Variants in STK32A observed in about 807,000 individuals in gnomAD.
STK32A encodes the protein serine/threonine kinase 32A.
In STK32A, 41 loss-of-function variants were observed where a neutral mutation model predicts 53.2. The ratio of observed to expected loss-of-function variants is 0.77; its 90% CI spans 0.60 to 1.00. The LOEUF (loss-of-function observed/expected upper bound fraction) is 1.00, where lower values mean the gene tolerates loss of function less well. Among genes scored for constraint, STK32A ranks in the 50% least tolerant of loss-of-function variants. STK32A has a pLI of 0.00. For missense variants in STK32A, 458 were observed against 485.8 expected (o/e 0.94, Z 0.54); for synonymous variants, 166 against 162.8 (o/e 1.02, Z -0.15).
At chr5:147,330,211 T>C (rs1754799071) in intron 5 of STK32A, among the ~76,000 whole-genome samples, 1 of 152,158 alleles carries the variant, frequency 6.6e-6, no homozygotes, top group Admixed American at 6.5e-5. Flanking sequence ...TGGGCAAGAA[T>C]CCACTTCCAA....
intron 4 of STK32A, among the ~76,000 whole-genome samples, chr5:147,302,589 A>G (rs754843740): frequency 6.6e-6 from 1 of 152,196 alleles, no homozygotes; most frequent in Admixed American, 6.5e-5. Context: ...GGGCACCATC[A>G]TGTCTGAGTT....
downstream of STK32A, chr5:147,392,163 A>G (rs1757828543): frequency 6.6e-6 from 1 of 151,924 alleles, no homozygotes; most frequent in Non-Finnish European, 1.5e-5. Flanking sequence ...TCTCTGAAAG[A>G]CCCCCACATC....
chr5:147,288,984 T>C (rs911797010), intron 4 of STK32A, among the ~76,000 whole-genome samples: 33 of 152,200 alleles, frequency 2.2e-4, no homozygotes, highest in African/African-American at 8.0e-4. Context: ...CGTTCTTTCC[T>C]TCCTTACTTC....
At chr5:147,313,989 G>T (rs1561712892) in intron 4 of STK32A, among the ~76,000 whole-genome samples, 1 of 151,958 alleles carries the variant, frequency 6.6e-6, no homozygotes, top group Non-Finnish European at 1.5e-5. Context: ...TACAGAAGTA[G>T]ATGATCAAGA....
intron 5 of STK32A, among the ~76,000 whole-genome samples, chr5:147,328,320 T>C (rs536246683): frequency 6.6e-6 from 1 of 152,340 alleles, no homozygotes; most frequent in African/African-American, 2.4e-5. Flanking sequence ...CCATAAGATC[T>C]GTTTCCGCCA....
chr5:147,291,172 G>C (rs1752582261), intron 4 of STK32A, among the ~76,000 whole-genome samples: 2 of 151,990 alleles, frequency 1.3e-5, no homozygotes, highest in African/African-American at 2.4e-5. Context: ...AGCTATTTTT[G>C]TTTTCTCATT....
At chr5:147,264,694 A>G (rs1341560850) in intron 2 of STK32A, among the ~76,000 whole-genome samples, 3 of 152,202 alleles carry the variant, frequency 2.0e-5, no homozygotes, top group Admixed American at 6.5e-5. Context: ...CTAAATCCCC[A>G]TCTACCACCT....
downstream of STK32A, among the ~76,000 whole-genome samples, chr5:147,390,478 C>CAA (rs151186049): frequency 0.085 from 9,450 of 110,716 alleles, 1,036 homozygotes; most frequent in African/African-American, 0.25. Flanking sequence ...GGGGAAAGAC[C>CAA]AAAAAAAAAA....
At chr5:147,340,591 C>T (rs1051031091) in intron 5 of STK32A, among the ~76,000 whole-genome samples, 1 of 152,150 alleles carries the variant, frequency 6.6e-6, no homozygotes, top group Non-Finnish European at 1.5e-5. Flanking sequence ...ACCTTCCATA[C>T]TGCAATTTAC....
intron 2 of STK32A, among the ~76,000 whole-genome samples, chr5:147,247,083 T>A (rs1437065168): frequency 6.6e-6 from 1 of 152,230 alleles, no homozygotes; most frequent in African/African-American, 2.4e-5. Context: ...ACTACCTAGG[T>A]TGAAAAATTA....
chr5:147,312,356 G>T (rs1008183438), intron 4 of STK32A, among the ~76,000 whole-genome samples: 8 of 151,926 alleles, frequency 5.3e-5, no homozygotes, highest in Admixed American at 2.0e-4. Context: ...CACCCACCTC[G>T]GCCTTCCAAA....
In STK32A at chr5:147,383,866, C is replaced by CTTTT; in HGVS notation, c.1098-18_1098-15dup. The stretch of plus-strand genomic sequence containing the variant: ...TTTTATTTTTCAAAGAATAAAACAT[C>CTTTT]TTTTTTTTTCTTTTCTTTTTAAGAG... On this transcript the variant is annotated intron_variant, in intron 12 of 12. Coordinates refer to ENST00000397936, the MANE Select transcript of STK32A (RefSeq NM_001112724.2). 7.8e-6 allele frequency: 11 copies of CTTTT among 1,416,696 alleles called. No individual in the cohort carries two copies. In the Admixed American group the frequency reaches 1.3e-4, roughly 17 times the overall value. 87.8% of individuals were successfully genotyped at this position (1,416,696 alleles called of 1,614,324 possible). A position where few individuals can be genotyped will look rare whatever the true frequency, so the allele number is the denominator to read the frequency against.
chr5:147,337,064 C>A (rs965401791), intron 5 of STK32A, among the ~76,000 whole-genome samples: 15 of 152,176 alleles, frequency 9.9e-5, no homozygotes, highest in African/African-American at 3.6e-4. Flanking sequence ...TGTAATTAGC[C>A]TGTTAACCCT....
chr5:147,293,776 C>G (rs1752724273), intron 4 of STK32A, among the ~76,000 whole-genome samples: 1 of 151,656 alleles, frequency 6.6e-6, no homozygotes, highest in Non-Finnish European at 1.5e-5. Flanking sequence ...AAAAGCCTCT[C>G]AAGGCTAGGT....
At chr5:147,344,429 A>C (rs1322709853) in intron 6 of STK32A, among the ~76,000 whole-genome samples, 1 of 152,184 alleles carries the variant, frequency 6.6e-6, no homozygotes, top group African/African-American at 2.4e-5. Context: ...TGATTCTCAG[A>C]AATGTGAGCA....
At chr5:147,275,860 T>G (rs547371979) in intron 2 of STK32A, among the ~76,000 whole-genome samples, 1 of 152,282 alleles carries the variant, frequency 6.6e-6, no homozygotes, top group South Asian at 2.1e-4. Flanking sequence ...GATCCTGACA[T>G]GTAATCCTGT....
intron 4 of STK32A, among the ~76,000 whole-genome samples, chr5:147,298,577 A>G (rs540074015): frequency 1.3e-5 from 2 of 152,330 alleles, no homozygotes; most frequent in South Asian, 4.1e-4. Context: ...TCTCTTCTTA[A>G]GGAGGAAACC....
At chr5:147,376,218 T>A (rs563315241) in intron 11 of STK32A, among the ~76,000 whole-genome samples, 27 of 152,290 alleles carry the variant, frequency 1.8e-4, no homozygotes, top group East Asian at 1.7e-3. Context: ...AACGTTCACA[T>A]CTCTGTCCTG....
intron 2 of STK32A, among the ~76,000 whole-genome samples, chr5:147,273,343 G>C (rs943138110): frequency 6.6e-6 from 1 of 152,186 alleles, no homozygotes; most frequent in Non-Finnish European, 1.5e-5. Context: ...TTCTACCTTT[G>C]GGATGGGTAG....
Sources: allele counts gnomAD v4.1 joint callset (sites outside exome capture counted in the v4.1 genomes callset), GRCh38; gene constraint gnomAD v4.1.1; transcripts MANE v1.5; gene names NCBI Gene and HGNC (gene_info 2026-07-23, HGNC 2026-07-21).